The following PTPRN2 variants were observed in gnomAD, a reference collection of about 807,000 sequenced individuals.
PTPRN2 encodes receptor-type tyrosine-protein phosphatase N2.
A neutral mutation model predicts 118.8 loss-of-function variants in PTPRN2; 74 were observed. The ratio of observed to expected loss-of-function variants is 0.62; its 90% confidence interval spans 0.52 to 0.76. PTPRN2 has a LOEUF of 0.76. Ranked by LOEUF, PTPRN2 falls within the 30% of genes least tolerant of loss-of-function variation. The probability of loss-of-function intolerance (pLI) is 0.00; values close to 1 mark genes in which losing one functional copy is unlikely to be tolerated. For missense variants in PTPRN2, 1,481 were observed against 1,394.4 expected, an observed-to-expected ratio of 1.06 and a Z score of -0.99; for synonymous variants, 641 against 608.0, an observed-to-expected ratio of 1.05 and a Z score of -0.80.
At chr7:158,251,172 G>A (rs1166463568) in intron 3 of PTPRN2, among the ~76,000 whole-genome samples, 5 of 152,142 alleles carry the variant, frequency 3.3e-5, no homozygotes, top group Non-Finnish European at 5.9e-5. Context: ...GTAATAATGT[G>A]CTCATCTTCA....
intron 11 of PTPRN2, among the ~76,000 whole-genome samples, chr7:157,908,948 G>C (rs1020304187): frequency 6.6e-5 from 10 of 152,022 alleles, no homozygotes; most frequent in Non-Finnish European, 1.3e-4. Flanking sequence ...TGCAATTACA[G>C]TTGAATCATT....
intron 12 of PTPRN2, among the ~76,000 whole-genome samples, chr7:157,746,961 C>A (rs1318752832): frequency 6.7e-6 from 1 of 149,754 alleles, no homozygotes; most frequent in Non-Finnish European, 1.5e-5. Context: ...CTGAGGCCTG[C>A]GTCTCTCAGC....
intron 9 of PTPRN2, among the ~76,000 whole-genome samples, chr7:158,131,322 T>C (rs1818252516): frequency 1.2e-5 from 1 of 82,034 alleles, no homozygotes; most frequent in African/African-American, 7.4e-5. Context: ...CTACCCCACA[T>C]ACACACTCAT....
rs373271084 is a variant in PTPRN2 at position 158,461,420 on chromosome 7, C to T, written c.163+28315G>A. Reference sequence around the variant, plus strand: ...CTGAGGCAGGAGAATGGCATAAACCCGGGAGGCAGAGCTTGCAGTGAGCTG... The same window carrying T: ...CTGAGGCAGGAGAATGGCATAAACCTGGGAGGCAGAGCTTGCAGTGAGCTG... On this transcript the variant is annotated intron_variant, in intron 2 of 22. Coordinates refer to ENST00000389418, the MANE Select transcript of PTPRN2 (RefSeq NM_002847.5). Among the ~76,000 whole-genome samples, 7 of 151,018 alleles carry T rather than the reference C, an allele frequency of 4.6e-5. No individual in the cohort carries two copies. The South Asian group carries it at 6.3e-4, about 14-fold the overall frequency.
rs112667481 is a variant in PTPRN2, at chr7:158,104,308, C to T, written c.1643+6521G>A. Among the ~76,000 whole-genome samples the T allele has an allele frequency of 8.8e-3, 1,340 of 152,288 alleles. 12 individuals are homozygous for T. The highest frequency in any genetic ancestry group is 0.015 in the Non-Finnish European group (1,009 of 68,026). ...TGAAGACAATGGAGGTCAGGTGAAT[C>T]TCAGGCTCAAAGACTCCTGAGAAAG... On this transcript the variant is annotated intron_variant, in intron 10 of 22. Coordinates refer to ENST00000389418, the MANE Select transcript of PTPRN2 (RefSeq NM_002847.5).
chr7:158,073,690 G>A (rs1248987379), intron 11 of PTPRN2, among the ~76,000 whole-genome samples: 4 of 152,110 alleles, frequency 2.6e-5, no homozygotes, highest in East Asian at 1.9e-4. Flanking sequence ...AGATGAGGCC[G>A]CTTCCTACTA....
At chr7:158,159,956 T>A (rs1822211770) in intron 6 of PTPRN2, among the ~76,000 whole-genome samples, 2 of 152,114 alleles carry the variant, frequency 1.3e-5, no homozygotes, top group South Asian at 4.1e-4. Flanking sequence ...TATCTGAATA[T>A]CAAAATCTCT....
intron 2 of PTPRN2, among the ~76,000 whole-genome samples, chr7:158,475,208 C>T (rs1820155170): frequency 6.6e-6 from 1 of 152,182 alleles, no homozygotes; most frequent in Non-Finnish European, 1.5e-5. Flanking sequence ...GTGGATGCCA[C>T]CAACGAGCAC....
chr7:158,554,873 A>G (rs534858025), intron 1 of PTPRN2, among the ~76,000 whole-genome samples: 1 of 152,096 alleles, frequency 6.6e-6, no homozygotes, highest in East Asian at 1.9e-4. Context: ...CCTCTATATG[A>G]TGGGGTTTTC....
chr7:158,256,491 G>C (rs909911055), intron 3 of PTPRN2, among the ~76,000 whole-genome samples: 1 of 152,084 alleles, frequency 6.6e-6, no homozygotes. Context: ...ACCATTGGCA[G>C]TTTTAGAAAT....
intron 3 of PTPRN2, among the ~76,000 whole-genome samples, chr7:158,228,561 C>T (rs759245728): frequency 6.6e-6 from 1 of 151,932 alleles, no homozygotes; most frequent in Non-Finnish European, 1.5e-5. Context: ...GAAGCAAAAA[C>T]ACACACAGCA....
intron 9 of PTPRN2, among the ~76,000 whole-genome samples, chr7:158,127,200 C>T (rs747705026): frequency 1.3e-4 from 20 of 152,196 alleles, no homozygotes; most frequent in African/African-American, 2.2e-4. Flanking sequence ...AGCTTCCCCT[C>T]GTGGAAATCC....
chr7:157,955,525 T>C (rs891524235), intron 11 of PTPRN2, among the ~76,000 whole-genome samples: 1 of 152,166 alleles, frequency 6.6e-6, no homozygotes, highest in Non-Finnish European at 1.5e-5. Context: ...ACAGATCCCC[T>C]GAGAGAAGCA....
chr7:158,235,625 G>C (rs959868079), intron 3 of PTPRN2, among the ~76,000 whole-genome samples: 1 of 152,166 alleles, frequency 6.6e-6, no homozygotes, highest in Non-Finnish European at 1.5e-5. Context: ...GAGAGACATT[G>C]ACTAATGGCT....
chr7:158,136,397 C>A (rs1818812805), intron 8 of PTPRN2, among the ~76,000 whole-genome samples: 1 of 152,110 alleles, frequency 6.6e-6, no homozygotes, highest in African/African-American at 2.4e-5. Context: ...TAATTTTCTT[C>A]TTTGCATTTA....
At chr7:157,793,191 A>G (rs542294943) in intron 12 of PTPRN2, among the ~76,000 whole-genome samples, 78 of 152,306 alleles carry the variant, frequency 5.1e-4, no homozygotes, top group African/African-American at 1.6e-3. Context: ...CACCCAGCCG[A>G]GAGTCCCCTG....
At chr7:157,723,779 G>A (rs1799375110) in intron 12 of PTPRN2, among the ~76,000 whole-genome samples, 1 of 152,248 alleles carries the variant, frequency 6.6e-6, no homozygotes, top group Admixed American at 6.5e-5. Context: ...CCCTGAGCAA[G>A]TGTGAGAGAC....
chr7:157,717,115 C>T (rs941382929), intron 12 of PTPRN2, among the ~76,000 whole-genome samples: 1 of 152,254 alleles, frequency 6.6e-6, no homozygotes, highest in Admixed American at 6.5e-5. Context: ...ACTGCTGTTA[C>T]CTCTCACTGC....
Position 158,167,090 on chromosome 7 carries a change from C to A in PTPRN2, c.751G>T (p.Ala251Ser). 6.2e-7 allele frequency: 1 copy of A among 1,608,776 alleles called. No individual in the cohort carries two copies. The highest frequency in any genetic ancestry group is 2.2e-5 in the East Asian group (1 of 44,726). Residue 251 changes from alanine to serine, a missense_variant, in exon 6 of 23, where the codon GCC becomes TCC. By Grantham distance (99) the Ala-to-Ser change is moderately conservative (BLOSUM62 1). Transcript: ENST00000389418. ...CCGGGGGGAGCTGGGGGCCTCTGGG[C>A]AGCATAGGCACTGAGGGCCGCCATC... is the stretch of plus-strand genomic sequence containing the variant. The part of the protein sequence containing the change: ...HLMAALSAYA[A>S]QRPPAPPGEG...
Sources: gnomAD v4.1 joint callset for allele counts (sites outside exome capture counted in the v4.1 genomes callset) on GRCh38, gnomAD v4.1.1 for gene constraint, MANE v1.5 for transcripts, NCBI Gene and HGNC (gene_info 2026-07-23, HGNC 2026-07-21) for gene names.